OSMR: variants seen among roughly 807,000 people sequenced by gnomAD.
OSMR encodes the protein oncostatin-M-specific receptor subunit beta.
OSMR carries 81 observed loss-of-function variants against 99.9 expected under a neutral mutation model. The ratio of observed to expected loss-of-function variants is 0.81; its 90% CI spans 0.68 to 0.97. OSMR has a LOEUF of 0.97. Among genes scored for constraint, OSMR ranks in the 50% least tolerant of loss-of-function variants. The pLI, the probability that OSMR is intolerant of heterozygous loss-of-function variation, is 0.00. For missense variants in OSMR, 1,099 were observed against 1,153.4 expected, an observed-to-expected ratio of 0.95 and a Z score of 0.68; for synonymous variants, 406 against 410.4, an observed-to-expected ratio of 0.99 and a Z score of 0.13.
chr5:38,901,634 A>G (rs1744896604), intron 7 of OSMR, among the ~76,000 whole-genome samples: 1 of 152,160 alleles, frequency 6.6e-6, no homozygotes, highest in Non-Finnish European at 1.5e-5. Flanking sequence ...TATATGTCCA[A>G]AATGTGAGAG....
rs1032528357 is a variant in OSMR, at chr5:38,886,097, C to G, written c.898C>G (p.Gln300Glu). The G allele has an allele frequency of 3.7e-6, 6 of 1,613,430 alleles. No individual in the cohort carries two copies. The highest frequency in any genetic ancestry group is 3.3e-4 in the Middle Eastern group (2 of 6,068). Residue 300 changes from glutamine to glutamate, a missense_variant, in exon 7 of 18, where the codon CAA becomes GAA. Coordinates refer to ENST00000274276, the MANE Select transcript of OSMR (RefSeq NM_003999.3). The part of the protein sequence containing the change: ...HKNWCNWQIT[Q>E]DSQETYNFTL... ...AAACTGGTGTAATTGGCAAATAACTCAAGACTCACAAGAAACCTATAACTT... is the reference window on the plus strand; with the variant it reads ...AAACTGGTGTAATTGGCAAATAACTGAAGACTCACAAGAAACCTATAACTT...
At chr5:38,852,304 C>A (rs901279136) in intron 1 of OSMR, among the ~76,000 whole-genome samples, 17 of 152,116 alleles carry the variant, frequency 1.1e-4, no homozygotes, top group Admixed American at 9.8e-4. Flanking sequence ...ATCTGTAGGG[C>A]AAAATTTCAG....
chr5:38,918,853 T>C lies in OSMR; in HGVS notation c.1376T>C (p.Leu459Pro), dbSNP rs1336426500. The change falls in exon 11 of 18, where the codon CTG becomes CCG. Residue 459 changes from leucine (L) to proline (P), a missense_variant. Transcript: ENST00000274276. ...TATTTTTTTCAGCCATTATCAAAAC[T>C]GCATGCCAATGGAAAGATCCTGTTC... Reference protein sequence around the residue: ...VTLFWKPLSKLHANGKILFYN... With the variant: ...VTLFWKPLSKPHANGKILFYN... The C allele has an allele frequency of 6.8e-6, 11 of 1,613,900 alleles. No individual in the cohort carries two copies. The Admixed American group carries it at 1.8e-4, about 27-fold the overall frequency.
At chr5:38,945,001 G>A (rs779583890) in exon 3 of OSMR, 25 of 1,612,612 alleles carry the variant, frequency 1.6e-5, no homozygotes, top group Non-Finnish European at 2.0e-5. Flanking sequence ...AAAACTTAGA[G>A]GGAACCACTT....
At chr5:38,908,145 C>T (rs1278788315) in intron 9 of OSMR, among the ~76,000 whole-genome samples, 2 of 152,164 alleles carry the variant, frequency 1.3e-5, no homozygotes, top group Admixed American at 1.3e-4. Flanking sequence ...ACACAGACAA[C>T]CACGGCCCTG....
At chr5:38,909,126 A>G (rs1203754619) in intron 9 of OSMR, among the ~76,000 whole-genome samples, 1 of 152,230 alleles carries the variant, frequency 6.6e-6, no homozygotes, top group East Asian at 1.9e-4. Context: ...TCATAATACA[A>G]ATGCAAGCTG....
At chr5:38,903,733 A>G in intron 7 of OSMR, 149 bp from the exon 8 acceptor site, 11 of 1,465,026 alleles carry the variant, frequency 7.5e-6, no homozygotes, top group Non-Finnish European at 9.9e-6. Context: ...GGCTCATTCT[A>G]GCTTGTCTGT....
intron 1 of OSMR, among the ~76,000 whole-genome samples, chr5:38,867,059 T>G (rs1257326342): frequency 1.3e-5 from 2 of 152,160 alleles, no homozygotes; most frequent in Non-Finnish European, 2.9e-5. Flanking sequence ...ACTGTACTGG[T>G]CCTTTTAAGA....
intron 7 of OSMR, among the ~76,000 whole-genome samples, chr5:38,895,602 A>G (rs1468127877): frequency 2.6e-5 from 4 of 152,010 alleles, no homozygotes; most frequent in African/African-American, 7.2e-5. Flanking sequence ...TTGTCTCTTC[A>G]CTTTGTTGAT....
chr5:38,917,616 C>T lies in OSMR; in HGVS notation c.1356C>T (p.Phe452=), dbSNP rs1233733822. ...CAGGAAATCATACTGTGACCTTATT[C>T]TGGAAGGTAAGATGTGCAGATTCCA... The part of the protein sequence containing the change: ...LEPGNHTVTL[F]WKPLSKLHAN... Residue 452 remains phenylalanine (F), a synonymous_variant, in exon 10 of 18, where the codon TTC becomes TTT. Coordinates refer to ENST00000274276, the MANE Select transcript of OSMR (RefSeq NM_003999.3). The T allele has an allele frequency of 1.9e-6, 3 of 1,610,932 alleles. No homozygotes were observed. The highest frequency in any genetic ancestry group is 1.7e-6 in the Non-Finnish European group (2 of 1,177,150).
chr5:38,942,984 AT>A (rs773737085), intron 1 of OSMR: 1 of 1,583,852 alleles, frequency 6.3e-7, no homozygotes, highest in South Asian at 1.1e-5. Context: ...AAAATAAAAG[AT>A]TATGGTGTGA....
intron 10 of OSMR, 185 bp from the exon 11 acceptor site, chr5:38,918,655 T>G: frequency 3.9e-6 from 3 of 779,118 alleles, no homozygotes; most frequent in Non-Finnish European, 4.7e-6. Flanking sequence ...TCTACTCACC[T>G]TCAGTTAGAT....
At chr5:38,868,342 A>C (rs769522735) in intron 1 of OSMR, among the ~76,000 whole-genome samples, 2 of 152,058 alleles carry the variant, frequency 1.3e-5, no homozygotes, top group Non-Finnish European at 2.9e-5. Context: ...TGTGTTGCTC[A>C]TTCTTCTTCT....
At chr5:38,928,530 C>T (rs150916908) in intron 15 of OSMR, among the ~76,000 whole-genome samples, 1,532 of 152,184 alleles carry the variant, frequency 0.01, 29 homozygotes, top group African/African-American at 0.035. Context: ...GGAAAAGCCC[C>T]TTATAAAACC....
chr5:38,933,040 A>T lies in OSMR; in HGVS notation c.2536A>T (p.Asn846Tyr). ...NYLYLLPTEK[N>Y]HSGPGPCICF... ...CCTTTATCTCCTTCCAACAGAAAAGAATCACTCTGGCCCTGGCCCCTGCAT... is the reference window on the plus strand; with the variant it reads ...CCTTTATCTCCTTCCAACAGAAAAGTATCACTCTGGCCCTGGCCCCTGCAT... Residue 846 changes from asparagine to tyrosine, a missense_variant, in exon 18 of 18, where the codon AAT becomes TAT. Coordinates refer to ENST00000274276, the MANE Select transcript of OSMR (RefSeq NM_003999.3). 6.2e-7 allele frequency: 1 copy of T among 1,614,228 alleles called. No homozygotes were observed. Among genetic ancestry groups the T allele is most frequent in the Middle Eastern group, 1.6e-4 (1 of 6,062 alleles).
At chr5:38,886,277 C>A in intron 7 of OSMR, 87 bp downstream of exon 7, 2 of 1,605,504 alleles carry the variant, frequency 1.2e-6, no homozygotes, top group South Asian at 1.1e-5. Context: ...TGCTGTAGAT[C>A]TTTGCCTCAT....
chr5:38,853,939 A>G (rs936541546), intron 1 of OSMR, among the ~76,000 whole-genome samples: 1 of 152,072 alleles, frequency 6.6e-6, no homozygotes, highest in African/African-American at 2.4e-5. Context: ...TGGAGCCTTG[A>G]GGAGGAAGGG....
intron 3 of OSMR, among the ~76,000 whole-genome samples, chr5:38,878,021 G>T: frequency 6.6e-6 from 1 of 152,094 alleles, no homozygotes; most frequent in East Asian, 1.9e-4. Flanking sequence ...ACCCAACCCA[G>T]CCTGACTACA....
At chr5:38,868,978 T>C in intron 1 of OSMR, 54 bp from the exon 2 acceptor site, 1 of 1,590,398 alleles carries the variant, frequency 6.3e-7, no homozygotes, top group Non-Finnish European at 8.6e-7. Flanking sequence ...CGAAGAAATT[T>C]GCCAGTATTG....
Sources: allele counts gnomAD v4.1 joint callset (sites outside exome capture counted in the v4.1 genomes callset), GRCh38; gene constraint gnomAD v4.1.1; transcripts MANE v1.5; gene names NCBI Gene and HGNC (gene_info 2026-07-23, HGNC 2026-07-21).